The following KIF21A variants were observed in gnomAD, a reference collection of about 807,000 sequenced individuals.
KIF21A encodes kinesin family member 21A.
Under a neutral mutation model 202.9 loss-of-function variants are expected in KIF21A, and 114 were observed. The ratio of observed to expected loss-of-function variants is 0.56; its 90% CI spans 0.48 to 0.66. The LOEUF is 0.66. KIF21A is among the 30% of genes least tolerant of loss of function. The pLI is 0.00. For synonymous variants in KIF21A, 667 were observed against 670.8 expected (o/e 0.99, Z 0.09); for missense variants, 1,677 against 1,994.9 (o/e 0.84, Z 3.04).
intron 17 of KIF21A, among the ~76,000 whole-genome samples, chr12:39,334,396 C>T (rs1354467863): frequency 6.6e-6 from 1 of 152,014 alleles, no homozygotes; most frequent in Admixed American, 6.6e-5. Flanking sequence ...TCGTGTTTTG[C>T]ATTCAAATTC....
chr12:39,354,150 A>G (rs1948602114), intron 10 of KIF21A, among the ~76,000 whole-genome samples: 1 of 152,196 alleles, frequency 6.6e-6, no homozygotes, highest in Non-Finnish European at 1.5e-5. Flanking sequence ...CTAACATGAT[A>G]TTTAAAAAAT....
intron 1 of KIF21A, among the ~76,000 whole-genome samples, chr12:39,437,851 C>A (rs2140454861): frequency 6.6e-6 from 1 of 152,262 alleles, no homozygotes; most frequent in African/African-American, 2.4e-5. Context: ...AAATAACCAT[C>A]TATTTCCATA....
Position 39,443,014 on chromosome 12 carries a change from A to G in KIF21A, c.-44T>C. On this transcript the variant is annotated 5_prime_UTR_variant, in exon 1 of 38. Transcript: ENST00000361418. ...TCGAGCCGTTGGGCCTCGGCACCGCAGAGCTGAGGCGCCACTGGGGCCGCG... is the reference window on the plus strand; with the variant it reads ...TCGAGCCGTTGGGCCTCGGCACCGCGGAGCTGAGGCGCCACTGGGGCCGCG... 1.3e-6 allele frequency: 2 copies of G among 1,501,858 alleles called. No homozygotes were observed. Among genetic ancestry groups the G allele is most frequent in the Non-Finnish European group, 1.8e-6 (2 of 1,132,456 alleles). 93.0% of individuals were successfully genotyped at this position (1,501,858 alleles called of 1,614,324 possible). A position where few individuals can be genotyped will look rare whatever the true frequency, so the allele number is the denominator to read the frequency against.
Position 39,357,448 on chromosome 12 carries a change from A to G in KIF21A, c.1216-11T>C, listed in dbSNP as rs889204563. 1.2e-6 allele frequency: 2 copies of G among 1,609,780 alleles called. No homozygotes were observed. The highest frequency in any genetic ancestry group is 1.7e-6 in the Non-Finnish European group (2 of 1,176,344). On this transcript the variant is annotated splice_polypyrimidine_tract_variant and intron_variant, in intron 8 of 37. Coordinates refer to ENST00000361418, the MANE Select transcript of KIF21A (RefSeq NM_001173464.2). Reference sequence around the variant, plus strand: ...AATTATTCTTTTACCCTAGTAAAGGAAAATAATGTCCTTGTTGGTTGAGGA... The same window carrying G: ...AATTATTCTTTTACCCTAGTAAAGGGAAATAATGTCCTTGTTGGTTGAGGA...
At chr12:39,439,920 A>G (rs1363835221) in intron 1 of KIF21A, among the ~76,000 whole-genome samples, 1 of 152,120 alleles carries the variant, frequency 6.6e-6, no homozygotes, top group African/African-American at 2.4e-5. Flanking sequence ...ATACTAATAA[A>G]CCTCTAATAA....
intron 19 of KIF21A, 58 bp downstream of exon 19, chr12:39,332,835 C>A: frequency 6.2e-7 from 1 of 1,604,526 alleles, no homozygotes. Flanking sequence ...CATTTAAGTA[C>A]AACATTCAGT....
At chr12:39,325,229 T>C (rs1345439460) in intron 26 of KIF21A, among the ~76,000 whole-genome samples, 1 of 152,032 alleles carries the variant, frequency 6.6e-6, no homozygotes, top group Non-Finnish European at 1.5e-5. Flanking sequence ...CACTACAGAG[T>C]CTACAATTTA....
chr12:39,389,606 A>G (rs1951200595), intron 1 of KIF21A, among the ~76,000 whole-genome samples: 1 of 152,328 alleles, frequency 6.6e-6, no homozygotes, highest in African/African-American at 2.4e-5. Flanking sequence ...ACTTTGGAAG[A>G]TAAGACACAT....
At chr12:39,338,690 C>A (rs1333770061) in intron 16 of KIF21A, among the ~76,000 whole-genome samples, 1 of 152,160 alleles carries the variant, frequency 6.6e-6, no homozygotes, top group African/African-American at 2.4e-5. Flanking sequence ...AAGCAAGTCA[C>A]ACAAATTTAT....
At chr12:39,376,976 TAATC>T (rs1416604707) in intron 1 of KIF21A, among the ~76,000 whole-genome samples, 2 of 152,184 alleles carry the variant, frequency 1.3e-5, no homozygotes, top group African/African-American at 4.8e-5. Context: ...CTATTGTCCT[TAATC>T]AATGGTTTCA....
intron 26 of KIF21A, among the ~76,000 whole-genome samples, chr12:39,323,276 C>G (rs1400821458): frequency 7.9e-5 from 12 of 152,060 alleles, no homozygotes; most frequent in Admixed American, 7.9e-4. Flanking sequence ...CCAACATTTA[C>G]TGTGCTCTCC....
At chr12:39,343,835 G>A (rs1592249346) in intron 12 of KIF21A, among the ~76,000 whole-genome samples, 1 of 152,306 alleles carries the variant, frequency 6.6e-6, no homozygotes, top group Middle Eastern at 3.4e-3. Context: ...GGCACATAAT[G>A]AATGTGAAGT....
intron 1 of KIF21A, among the ~76,000 whole-genome samples, chr12:39,426,210 T>C (rs1174249408): frequency 6.6e-6 from 1 of 152,214 alleles, no homozygotes; most frequent in African/African-American, 2.4e-5. Context: ...TTTTAAGAAA[T>C]TTCCATAAAA....
At position 39,442,921 on chromosome 12, in the gene KIF21A, C is replaced by A. The variant is rs1469335262; in HGVS notation, c.44+6G>T. On this transcript the variant is annotated splice_donor_region_variant and intron_variant, in intron 1 of 37. Coordinates refer to ENST00000361418, the MANE Select transcript of KIF21A (RefSeq NM_001173464.2). This position sits in a 1 kb window ranked among gnomAD's most constrained non-coding sequence, Gnocchi z 5.0. ...CCGCCGCCCGCCGCCGGCAGACTGT[C>A]CTCACCTGACAGCCACCCGCACGGA... is the stretch of plus-strand genomic sequence containing the variant. The A allele has an allele frequency of 6.6e-7, 1 of 1,525,406 alleles. No homozygotes were observed. Among genetic ancestry groups the A allele is most frequent in the Admixed American group, 2.0e-5 (1 of 50,546 alleles). 94.5% of individuals were successfully genotyped at this position (1,525,406 alleles called of 1,614,324 possible). A position where few individuals can be genotyped will look rare whatever the true frequency, so the allele number is the denominator to read the frequency against.
In KIF21A at chr12:39,311,452, T is replaced by A; in HGVS notation, c.4061A>T (p.Asp1354Val). 1.9e-6 allele frequency: 3 copies of A among 1,613,146 alleles called. No homozygotes were observed. The South Asian group carries it at 3.3e-5, about 18-fold the overall frequency. The change falls in exon 32 of 38, where the codon GAT becomes GTT. Residue 1354 changes from aspartate (D) to valine (V), a missense_variant. Physicochemically the swap from Asp to Val is radical, Grantham distance 152. Coordinates refer to ENST00000361418, the MANE Select transcript of KIF21A (RefSeq NM_001173464.2). ...AGTGAAGAGGAGATCATCAGTAGAA[T>A]CCACACAGAGCACAGCTTTTGTATG... Reference protein sequence around the residue: ...EGHTKAVLCVDSTDDLLFTGS... With the variant: ...EGHTKAVLCVVSTDDLLFTGS...
chr12:39,434,926 T>A (rs1291869875), intron 1 of KIF21A, among the ~76,000 whole-genome samples: 2 of 152,208 alleles, frequency 1.3e-5, no homozygotes, highest in Non-Finnish European at 2.9e-5. Context: ...AATGTGGATA[T>A]CTATTCTGAA....
intron 1 of KIF21A, among the ~76,000 whole-genome samples, chr12:39,410,452 A>C (rs1434756366): frequency 6.6e-6 from 1 of 152,238 alleles, no homozygotes; most frequent in East Asian, 1.9e-4. Flanking sequence ...AGAATAAAAG[A>C]AGAAACTGGT....
intron 37 of KIF21A, among the ~76,000 whole-genome samples, 164 bp from the exon 38 acceptor site, chr12:39,294,681 A>G (rs371665267): frequency 9.9e-5 from 15 of 152,236 alleles, no homozygotes; most frequent in African/African-American, 3.6e-4. Flanking sequence ...TACCTTAATA[A>G]TAACAGCTTA....
chr12:39,347,876 G>A (rs903861163), intron 11 of KIF21A, among the ~76,000 whole-genome samples: 1 of 151,796 alleles, frequency 6.6e-6, no homozygotes, highest in African/African-American at 2.4e-5. Context: ...CAAAAATATG[G>A]GATTTAATGT....
Sources: allele counts gnomAD v4.1 joint callset (sites outside exome capture counted in the v4.1 genomes callset), GRCh38; gene constraint gnomAD v4.1.1; non-coding constraint Gnocchi (gnomAD v3.1); transcripts MANE v1.5; gene names NCBI Gene and HGNC (gene_info 2026-07-23, HGNC 2026-07-21).